HTRA3: variants seen among roughly 807,000 people sequenced by gnomAD.
HTRA3 encodes HtrA serine peptidase 3, also known as serine protease HTRA3.
In HTRA3, 41 loss-of-function variants were observed where a neutral mutation model predicts 43.2. The observed-to-expected ratio is 0.95, with a 90% CI of 0.74 to 1.23. The LOEUF (loss-of-function observed/expected upper bound fraction) is 1.23. Ranked by LOEUF, HTRA3 falls within the 50% of genes most tolerant of loss-of-function variation. The probability of loss-of-function intolerance (pLI) is 0.00; values close to 1 mark genes in which losing one functional copy is unlikely to be tolerated. For synonymous variants in HTRA3, 295 were observed against 287.9 expected (o/e 1.02, Z -0.25); for missense variants, 628 against 647.1 (o/e 0.97, Z 0.32).
chr4:8,306,644 GTCACA>G lies in HTRA3; in HGVS notation c.*511_*515del, dbSNP rs1168494274. ...CCAGCCTGGGGTCCCTGGAGGACAG[GTCACA>G]TCTGATCCCTTTGGGGTGCGGGGGT... On this transcript the variant is annotated 3_prime_UTR_variant, in exon 9 of 9. Transcript: ENST00000307358. The surrounding 1 kb of genome is among the most constrained non-coding windows in gnomAD (Gnocchi z 8.9). 6.4e-6 allele frequency: 1 copy of G among 156,038 alleles called. No individual in the cohort carries two copies. The highest frequency in any genetic ancestry group is 1.4e-5 in the Non-Finnish European group (1 of 71,458). 9.7% of individuals were successfully genotyped at this position (156,038 alleles called of 1,614,324 possible).
chr4:8,294,934 T>C (rs1713403327), intron 6 of HTRA3, among the ~76,000 whole-genome samples: 1 of 148,368 alleles, frequency 6.7e-6, no homozygotes. Context: ...CCATCATCCA[T>C]TCATCCACCC....
intron 3 of HTRA3, among the ~76,000 whole-genome samples, chr4:8,289,838 T>C (rs573860928): frequency 1.9e-4 from 26 of 133,470 alleles, no homozygotes; most frequent in East Asian, 1.2e-3. Flanking sequence ...CCCCAGCTCA[T>C]GGCCTCACCT....
At chr4:8,298,063 C>T (rs552998172) in intron 6 of HTRA3, among the ~76,000 whole-genome samples, 3 of 152,250 alleles carry the variant, frequency 2.0e-5, no homozygotes, top group African/African-American at 7.2e-5. Context: ...CCACCTCCAC[C>T]TCCGGGTCCA....
At chr4:8,273,949 C>A (rs1712412642) in intron 1 of HTRA3, among the ~76,000 whole-genome samples, 1 of 146,312 alleles carries the variant, frequency 6.8e-6, no homozygotes, top group African/African-American at 2.8e-5. Context: ...GGAGTCCCCT[C>A]AGCTCATCCA....
chr4:8,302,489 C>A lies in HTRA3; in HGVS notation c.1078C>A (p.Arg360=). Residue 360 remains arginine (R), a synonymous_variant, in exon 7 of 9, where the codon CGG becomes AGG. Transcript: ENST00000307358. ...CTGGAAGAAGCGCTTCATCGGCATACGGATGCGGACGATCACACCAAGGTG... is the reference window on the plus strand; with the variant it reads ...CTGGAAGAAGCGCTTCATCGGCATAAGGATGCGGACGATCACACCAAGGTG... ...KDWKKRFIGI[R]MRTITPSLVD... is the part of the protein sequence containing the mutation. 9.3e-6 allele frequency: 15 copies of A among 1,614,100 alleles called. No individual in the cohort carries two copies. Among genetic ancestry groups the A allele is most frequent in the Non-Finnish European group, 1.3e-5 (15 of 1,179,984 alleles).
intron 6 of HTRA3, among the ~76,000 whole-genome samples, chr4:8,294,779 CATCCATCCACCCATCT>C (rs964452822): frequency 1.3e-5 from 2 of 150,436 alleles, no homozygotes; most frequent in African/African-American, 4.9e-5. Flanking sequence ...CCTATCCATC[CATCCATCCACCCATCT>C]ATCCATCCAC....
chr4:8,280,289 G>A (rs1299237487), intron 1 of HTRA3, among the ~76,000 whole-genome samples: 6 of 152,180 alleles, frequency 3.9e-5, no homozygotes, highest in South Asian at 2.1e-4. Flanking sequence ...GCAGCAGACC[G>A]GCTGAGTCCT....
intron 8 of HTRA3, among the ~76,000 whole-genome samples, chr4:8,305,723 T>C (rs977982234): frequency 2.0e-5 from 3 of 152,172 alleles, no homozygotes; most frequent in Non-Finnish European, 4.4e-5. Flanking sequence ...CTAGGAGGGC[T>C]GCAGCGGGAG....
chr4:8,272,193 T>C (rs1712308390), intron 1 of HTRA3, among the ~76,000 whole-genome samples: 1 of 152,160 alleles, frequency 6.6e-6, no homozygotes, highest in Non-Finnish European at 1.5e-5. Context: ...TCTGAGACAC[T>C]CACTGACTTC....
chr4:8,283,095 G>T (rs895905081), intron 2 of HTRA3, among the ~76,000 whole-genome samples: 1 of 152,218 alleles, frequency 6.6e-6, no homozygotes, highest in African/African-American at 2.4e-5. Context: ...ATGAGGGATG[G>T]GTGAGTGAAC....
chr4:8,271,683 G>A (rs539120516), intron 1 of HTRA3, among the ~76,000 whole-genome samples: 9 of 152,316 alleles, frequency 5.9e-5, no homozygotes, highest in South Asian at 4.1e-4. Context: ...TGCACTCTGC[G>A]GAAGGGAGGA....
chr4:8,281,531 A>G (rs576664443), intron 1 of HTRA3, among the ~76,000 whole-genome samples: 1 of 152,238 alleles, frequency 6.6e-6, no homozygotes, highest in African/African-American at 2.4e-5. Context: ...CCACACAGCT[A>G]GAAAGCAGCC....
chr4:8,301,754 T>C (rs1485152290), intron 6 of HTRA3, among the ~76,000 whole-genome samples: 1 of 152,252 alleles, frequency 6.6e-6, no homozygotes, highest in African/African-American at 2.4e-5. Flanking sequence ...ACATAATTTC[T>C]AATTTCTCTT....
rs1224221864 is a variant in HTRA3, at chr4:8,297,209, A to T, written c.1051+3008A>T. Among the ~76,000 whole-genome samples, 1 of 151,982 alleles carries T rather than the reference A, an allele frequency of 6.6e-6. No homozygotes were observed. The highest frequency in any genetic ancestry group is 6.6e-5 in the Admixed American group (1 of 15,266). On this transcript the variant is annotated intron_variant, in intron 6 of 8. Coordinates refer to ENST00000307358, the MANE Select transcript of HTRA3 (RefSeq NM_053044.5). This position sits in a 1 kb window ranked among gnomAD's most constrained non-coding sequence, Gnocchi z 5.8. ...TGGCAGGAGCAGGGCCAGGAGCAGG[A>T]CGGGCAGGGAGGCTGGTGGCCCCAT...
intron 7 of HTRA3, among the ~76,000 whole-genome samples, chr4:8,303,900 T>C (rs918149489): frequency 2.0e-5 from 3 of 151,966 alleles, no homozygotes; most frequent in Non-Finnish European, 4.4e-5. Flanking sequence ...ATTCCTTCAT[T>C]CATCCATCCA....
intron 2 of HTRA3, among the ~76,000 whole-genome samples, chr4:8,283,603 G>C (rs566975493): frequency 1.4e-3 from 217 of 152,326 alleles, no homozygotes; most frequent in African/African-American, 4.9e-3. Context: ...CTGGCCCTTT[G>C]GTCCCTGGGT....
intron 1 of HTRA3, among the ~76,000 whole-genome samples, chr4:8,281,147 T>C (rs888245564): frequency 6.6e-6 from 1 of 152,200 alleles, no homozygotes; most frequent in Non-Finnish European, 1.5e-5. Context: ...GCCTGGGGAT[T>C]GTGTTTGCCC....
Position 8,304,279 on chromosome 4 carries a change from G to C in HTRA3, c.1196G>C (p.Arg399Thr). 1 of 1,613,630 alleles carries C rather than the reference G, an allele frequency of 6.2e-7. No individual in the cohort carries two copies. The highest frequency in any genetic ancestry group is 1.1e-5 in the South Asian group (1 of 91,076). Reference protein sequence around the residue: ...QEVAPNSPSQRGGIQDGDIIV... With the variant: ...QEVAPNSPSQTGGIQDGDIIV... ...GTTGCGCCGAATTCACCTTCTCAGA[G>C]GTAGGCTCTGCCAGAGGAGATCGCT... The change falls in exon 8 of 9, where the codon AGA becomes ACA. Residue 399 changes from arginine (R) to threonine (T), a missense_variant and splice_region_variant. Physicochemically the swap from Arg to Thr is moderately conservative, Grantham distance 71 (BLOSUM62 -1). Coordinates refer to ENST00000307358, the MANE Select transcript of HTRA3 (RefSeq NM_053044.5).
chr4:8,282,234 C>A (rs529771862), intron 1 of HTRA3, among the ~76,000 whole-genome samples: 3 of 152,258 alleles, frequency 2.0e-5, no homozygotes, highest in South Asian at 2.1e-4. Flanking sequence ...TCGGGGTGAG[C>A]GAGCCCCTTC....
Sources: gnomAD v4.1 joint callset for allele counts (sites outside exome capture counted in the v4.1 genomes callset) on GRCh38, gnomAD v4.1.1 for gene constraint, Gnocchi (gnomAD v3.1) non-coding constraint, MANE v1.5 for transcripts, NCBI Gene and HGNC (gene_info 2026-07-23, HGNC 2026-07-21) for gene names.